Variants in PLCXD1 observed in about 807,000 individuals in gnomAD.
PLCXD1 encodes phosphatidylinositol specific phospholipase C X domain containing 1.
Under a neutral mutation model 37.8 loss-of-function variants are expected in PLCXD1, and 45 were observed. That is an observed-to-expected ratio of 1.19 (90% CI 0.94 to 1.53). The LOEUF (loss-of-function observed/expected upper bound fraction) is 1.53, where lower values mean the gene tolerates loss of function less well. PLCXD1 is among the 40% of genes most tolerant of loss of function. The pLI is 0.00. For synonymous variants in PLCXD1, 246 were observed against 206.9 expected (o/e 1.19, Z -1.62); for missense variants, 539 against 454.7 (o/e 1.19, Z -1.69).
intron 6 of PLCXD1, among the ~76,000 whole-genome samples, chrX:293,965 C>T (rs997985827): frequency 2.0e-4 from 31 of 152,260 alleles, no homozygotes; most frequent in Non-Finnish European, 3.7e-4. Flanking sequence ...AGTTGCACAA[C>T]GTGAATCCAC....
At position 299,174 on chromosome X, in the gene PLCXD1, A is replaced by G. The variant is rs2069914588; in HGVS notation, c.811A>G (p.Lys271Glu). Residue 271 changes from lysine to glutamate, a missense_variant, in exon 7 of 7, where the codon AAG becomes GAG. Transcript: ENST00000381657. The stretch of plus-strand genomic sequence containing the variant: ...GGCGCACCCGTCCGAGTCCCTGGAG[A>G]AGATGACGCTGCCCAACCTTCCGCG... ...VLAHPSESLEKMTLPNLPRLS... is the reference protein window; with the variant it reads ...VLAHPSESLEEMTLPNLPRLS... 1.2e-6 allele frequency: 2 copies of G among 1,613,896 alleles called. No homozygotes were observed. Among genetic ancestry groups the G allele is most frequent in the Non-Finnish European group, 8.5e-7 (1 of 1,179,846 alleles).
rs933967477 is a variant in PLCXD1 at position 301,136 on chromosome X, G to C, written c.*1801G>C. The C allele has an allele frequency of 6.6e-6, 1 of 151,874 alleles. No homozygotes were observed. Among genetic ancestry groups the C allele is most frequent in the African/African-American group, 2.4e-5 (1 of 41,296 alleles). The allele number at this position is 151,874 out of a possible 1,614,324, so 9.4% of individuals were successfully genotyped here. On this transcript the variant is annotated 3_prime_UTR_variant, in exon 7 of 7. Coordinates refer to ENST00000381657, the MANE Select transcript of PLCXD1 (RefSeq NM_018390.4). ...AGCGATCCTCTCAGCTCAGCCTCCC[G>C]TGTAGCTGGGGCTCCAGGGACACAC... is the stretch of plus-strand genomic sequence containing the variant.
chrX:279,962 G>A (rs1306883174), upstream of PLCXD1, among the ~76,000 whole-genome samples: 1 of 151,898 alleles, frequency 6.6e-6, no homozygotes, highest in Non-Finnish European at 1.5e-5. Context: ...CGATTCTCCT[G>A]CCTCAGCCTC....
At chrX:291,975 G>A (rs1342136377) in intron 5 of PLCXD1, among the ~76,000 whole-genome samples, 5 of 151,952 alleles carry the variant, frequency 3.3e-5, no homozygotes, top group Non-Finnish European at 5.9e-5. Flanking sequence ...AGACTATCCT[G>A]GCCAACATGG....
rs367791199 is a variant in PLCXD1 at position 299,207 on chromosome X, G to A, written c.844G>A (p.Ala282Thr). 8.7e-6 allele frequency: 14 copies of A among 1,613,778 alleles called. No homozygotes were observed. In the African/African-American group the frequency reaches 9.3e-5, roughly 11 times the overall value. ...GCTGCCCAACCTTCCGCGGCTGAGC[G>A]CGTGGGTCCGAGAGCAGTGCCCGGG... ...MTLPNLPRLS[A>T]WVREQCPGPG... The change falls in exon 7 of 7, where the codon GCG (alanine) becomes ACG (threonine). Residue 282 changes from alanine (A) to threonine (T), a missense_variant. Coordinates refer to ENST00000381657, the MANE Select transcript of PLCXD1 (RefSeq NM_018390.4).
At chrX:288,028 C>G (rs2069512480) in intron 2 of PLCXD1, among the ~76,000 whole-genome samples, 1 of 152,058 alleles carries the variant, frequency 6.6e-6, no homozygotes, top group South Asian at 2.1e-4. Context: ...CTCCTGGGGG[C>G]TCCAGGCATC....
At chrX:288,138 G>C (rs2069516094) in intron 2 of PLCXD1, among the ~76,000 whole-genome samples, 1 of 151,088 alleles carries the variant, frequency 6.6e-6, no homozygotes, top group Admixed American at 6.6e-5. Context: ...ATTGCATTTA[G>C]GACCCAGCAC....
Position 290,229 on chromosome X carries a change from C to T in PLCXD1, c.265-419C>T, listed in dbSNP as rs184888615. ...GATCACGAGGTCAGGAGATCGAGAC[C>T]GTCCTGGCTAACATGTTGAAACCAC... On this transcript the variant is annotated intron_variant, in intron 3 of 6. Coordinates refer to ENST00000381657, the MANE Select transcript of PLCXD1 (RefSeq NM_018390.4). Among the ~76,000 whole-genome samples the T allele has an allele frequency of 2.7e-3, 418 of 152,164 alleles. 1 individual carries two copies. Among genetic ancestry groups the T allele is most frequent in the Non-Finnish European group, 4.1e-3 (280 of 67,996 alleles).
chrX:279,007 A>T (rs997404475), upstream of PLCXD1, among the ~76,000 whole-genome samples: 3 of 152,114 alleles, frequency 2.0e-5, no homozygotes, highest in African/African-American at 7.2e-5. Context: ...CCGAAGAGAG[A>T]GTCAGCGAAG....
Position 299,522 on chromosome X carries a change from G to C in PLCXD1, c.*187G>C, listed in dbSNP as rs1266942111. ...CGCCTGTCTTCCCAGCACTTTGGGA[G>C]GCCGAGGTGGGTGGATCATGAGGTC... On this transcript the variant is annotated 3_prime_UTR_variant, in exon 7 of 7. Coordinates refer to ENST00000381657, the MANE Select transcript of PLCXD1 (RefSeq NM_018390.4). 2 of 612,436 alleles carry C rather than the reference G, an allele frequency of 3.3e-6. No homozygotes were observed. Among genetic ancestry groups the C allele is most frequent in the East Asian group, 2.7e-5 (1 of 36,446 alleles). 37.9% of individuals were successfully genotyped at this position (612,436 alleles called of 1,614,324 possible).
chrX:282,477 G>C (rs1263128485), intron 1 of PLCXD1, among the ~76,000 whole-genome samples: 2 of 151,946 alleles, frequency 1.3e-5, no homozygotes, highest in Admixed American at 1.3e-4. Context: ...GGCCGAGGCA[G>C]GCAGATCACC....
chrX:278,783 G>A (rs771460284), upstream of PLCXD1, among the ~76,000 whole-genome samples: 49 of 106,390 alleles, frequency 4.6e-4, 1 homozygote, highest in East Asian at 3.1e-3. Flanking sequence ...TTGAGGACGC[G>A]CCTGTGACCG....
At chrX:279,792 G>GA (rs1472168858), upstream of PLCXD1, among the ~76,000 whole-genome samples, 1 of 150,964 alleles carries the variant, frequency 6.6e-6, no homozygotes, top group Non-Finnish European at 1.5e-5. Context: ...AAAAAAAGAA[G>GA]AAAAAAAGAG....
intron 1 of PLCXD1, among the ~76,000 whole-genome samples, chrX:282,889 TTA>T (rs1416359641): frequency 6.2e-5 from 9 of 145,238 alleles, no homozygotes; most frequent in Non-Finnish European, 9.0e-5. Context: ...TATGTATGTG[TTA>T]TATATGTCTA....
intron 2 of PLCXD1, among the ~76,000 whole-genome samples, chrX:285,687 A>G (rs1288059877): frequency 8.5e-5 from 13 of 152,162 alleles, no homozygotes; most frequent in Admixed American, 8.5e-4. Flanking sequence ...GCACACAGGA[A>G]CACAGGTACA....
In PLCXD1 at chrX:302,746, G is replaced by A. The variant is rs1192247770; in HGVS notation, c.*3411G>A. ...CCGCCACCACGCCCGGATAATTTTT[G>A]TGTGTTTAGCAGAGACGGGGTTTCA... On this transcript the variant is annotated 3_prime_UTR_variant, in exon 7 of 7. Coordinates refer to ENST00000381657, the MANE Select transcript of PLCXD1 (RefSeq NM_018390.4). 3 of 151,964 alleles carry A rather than the reference G, an allele frequency of 2.0e-5. No homozygotes were observed. The highest frequency in any genetic ancestry group is 4.4e-5 in the Non-Finnish European group (3 of 68,008). 9.4% of individuals were successfully genotyped at this position (151,964 alleles called of 1,614,324 possible).
At position 300,460 on chromosome X, in the gene PLCXD1, ATATGTG is replaced by A. The variant is rs903982059; in HGVS notation, c.*1127_*1132del. 4.0e-5 allele frequency: 5 copies of A among 123,826 alleles called. No individual in the cohort carries two copies. The highest frequency in any genetic ancestry group is 1.3e-4 in the African/African-American group (4 of 31,850). The allele number at this position is 123,826 out of a possible 1,614,324, so 7.7% of individuals were successfully genotyped here. The stretch of plus-strand genomic sequence containing the variant: ...TATGTATGTATGTTTATACATGTGT[ATATGTG>A]TGTGTGTGTGTGTATATGTGTGTAT... On this transcript the variant is annotated 3_prime_UTR_variant, in exon 7 of 7. Transcript: ENST00000381657.
intron 2 of PLCXD1, among the ~76,000 whole-genome samples, chrX:286,009 C>T (rs1298697107): frequency 6.6e-6 from 1 of 151,820 alleles, no homozygotes; most frequent in Non-Finnish European, 1.5e-5. Context: ...GCACTGATCG[C>T]GTTCTTCCTT....
At chrX:296,658 C>T (rs191147303) in intron 6 of PLCXD1, among the ~76,000 whole-genome samples, 40 of 152,324 alleles carry the variant, frequency 2.6e-4, no homozygotes, top group Middle Eastern at 3.4e-3. Context: ...CACTGGTCAA[C>T]GTCAACCCTC....
Sources: gnomAD v4.1 joint callset for allele counts (sites outside exome capture counted in the v4.1 genomes callset) on GRCh38, gnomAD v4.1.1 for gene constraint, MANE v1.5 for transcripts, NCBI Gene and HGNC (gene_info 2026-07-23, HGNC 2026-07-21) for gene names.